COPB1: variants seen among roughly 807,000 people sequenced by gnomAD.
COPB1 encodes coat protein complex I subunit beta 1, also known as coatomer subunit beta.
In COPB1, 21 loss-of-function variants were observed where a neutral mutation model predicts 108.7. The observed-to-expected ratio is 0.19, with a 90% confidence interval of 0.14 to 0.28. COPB1 has a LOEUF of 0.28. Ranked by LOEUF, COPB1 falls within the 10% of genes least tolerant of loss-of-function variation. The probability of loss-of-function intolerance (pLI) is 1.00; values close to 1 mark genes in which losing one functional copy is unlikely to be tolerated. For missense variants in COPB1, 919 were observed against 1,141.3 expected (o/e 0.81, Z 2.81); for synonymous variants, 378 against 386.8 (o/e 0.98, Z 0.27).
At chr11:14,487,300 T>C (rs1049251095) in intron 6 of COPB1, among the ~76,000 whole-genome samples, 3 of 152,202 alleles carry the variant, frequency 2.0e-5, no homozygotes, top group African/African-American at 7.2e-5. Context: ...TACTATAACA[T>C]GGACCCTACT....
intron 19 of COPB1, among the ~76,000 whole-genome samples, chr11:14,460,560 C>T (rs1850123066): frequency 6.6e-6 from 1 of 151,962 alleles, no homozygotes. Flanking sequence ...CTCTGTCACC[C>T]AGGCTAGAGT....
At position 14,469,551 on chromosome 11, in the gene COPB1, C is replaced by T; in HGVS notation, c.1750G>A (p.Glu584Lys). 1 of 1,613,976 alleles carries T rather than the reference C, an allele frequency of 6.2e-7. No homozygotes were observed. Among genetic ancestry groups the T allele is most frequent in the Non-Finnish European group, 8.5e-7 (1 of 1,179,924 alleles). ...ATAGTAGCCATGAGCAACATAGCCT[C>T]AGCAACAAAAGACTAAGAAAGTAAA... ...EKKKQNSFVA[E>K]AMLLMATILH... is the part of the protein sequence containing the mutation. The change falls in exon 15 of 22, where the codon GAG becomes AAG. Residue 584 changes from glutamate to lysine, a missense_variant. Coordinates refer to ENST00000439561, the MANE Select transcript of COPB1 (RefSeq NM_001144061.2).
At chr11:14,463,099 C>T (rs2597202) in intron 18 of COPB1, among the ~76,000 whole-genome samples, 112,009 of 152,090 alleles carry the variant, frequency 0.74, 41,774 homozygotes, top group African/African-American at 0.84. Context: ...TTATTTTATC[C>T]TGTGGAGCTT....
At chr11:14,461,427 C>A (rs1343414391) in intron 18 of COPB1, 96 bp from the exon 19 acceptor site, 2 of 1,259,872 alleles carry the variant, frequency 1.6e-6, no homozygotes, top group Non-Finnish European at 2.2e-6. Context: ...ACACTATTAA[C>A]AATAAGATTG....
intron 14 of COPB1, among the ~76,000 whole-genome samples, chr11:14,470,465 C>G (rs1469265298): frequency 1.3e-5 from 2 of 152,208 alleles, no homozygotes; most frequent in African/African-American, 4.8e-5. Context: ...AGCCTTCATA[C>G]TGAAGTCCGT....
chr11:14,490,310 T>G (rs914282899), intron 5 of COPB1, among the ~76,000 whole-genome samples: 6 of 152,198 alleles, frequency 3.9e-5, no homozygotes, highest in African/African-American at 1.4e-4. Context: ...ATAATTTTAA[T>G]TTTTAAAAAC....
chr11:14,467,774 A>T (rs1193903646), intron 16 of COPB1, among the ~76,000 whole-genome samples: 4 of 152,202 alleles, frequency 2.6e-5, no homozygotes, highest in Non-Finnish European at 5.9e-5. Flanking sequence ...ATACTGAGTG[A>T]AATATGCCAG....
In COPB1 at chr11:14,486,374, G is replaced by A. The variant is rs1850775466; in HGVS notation, c.830C>T (p.Ala277Val). The change falls in exon 7 of 22, where the codon GCA becomes GTA. Residue 277 changes from alanine (A) to valine (V), a missense_variant. Transcript: ENST00000439561. ...AAAAGAAATACACAGTACCTTGATT[G>A]CAGTTGGTGCACTAGAGAGTGTCAC... ...TLVTLSSAPT[A>V]IKAAAQCYID... is the part of the protein sequence containing the mutation. The A allele has an allele frequency of 6.2e-7, 1 of 1,613,938 alleles. No individual in the cohort carries two copies. The highest frequency in any genetic ancestry group is 8.5e-7 in the Non-Finnish European group (1 of 1,180,010).
At chr11:14,476,455 A>G (rs2575837) in intron 12 of COPB1, among the ~76,000 whole-genome samples, 101,366 of 152,106 alleles carry the variant, frequency 0.67, 34,006 homozygotes, top group African/African-American at 0.71. Flanking sequence ...ATTACCTAAT[A>G]TAAGAGCACT....
At chr11:14,461,063 G>A in intron 19 of COPB1, 123 bp downstream of exon 19, 1 of 1,223,618 alleles carries the variant, frequency 8.2e-7, no homozygotes, top group Non-Finnish European at 1.2e-6. Context: ...AACAGATACT[G>A]AAAGACTATT....
At chr11:14,493,606 C>A (rs1430406380) in intron 4 of COPB1, 36 bp downstream of exon 4, 23 of 1,550,848 alleles carry the variant, frequency 1.5e-5, no homozygotes, top group Non-Finnish European at 1.4e-5. Context: ...CTAAACAGTA[C>A]TCACAGAATG....
At chr11:14,464,047 AAAGTCTAACATCCTTAGCATGAC>A (rs958706522) in intron 18 of COPB1, among the ~76,000 whole-genome samples, 1 of 152,224 alleles carries the variant, frequency 6.6e-6, no homozygotes, top group Admixed American at 6.5e-5. Context: ...CTCCACAGAT[AAAGTCTAACATCCTTAGCATGAC>A]AAGTAAAATA....
intron 7 of COPB1, among the ~76,000 whole-genome samples, chr11:14,484,783 A>G (rs1565021113): frequency 6.6e-6 from 1 of 152,208 alleles, no homozygotes; most frequent in Non-Finnish European, 1.5e-5. Flanking sequence ...ATTTTTCTGT[A>G]AGTTTAAAAT....
chr11:14,461,327 A>G lies in COPB1; in HGVS notation c.2415T>C (p.Tyr805=), dbSNP rs1262630362. The change falls in exon 19 of 22, where the codon TAT becomes TAC. Residue 805 remains tyrosine (Y), a synonymous_variant. Transcript: ENST00000439561. ...ENGIIFGNIV[Y]DVSGAASDRN... is the part of the protein sequence containing the mutation. Reference sequence around the variant, plus strand: ...TGTCACTTGCTGCTCCAGAGACATCATAAACTGCAATTACATATACAAAAA... The same window carrying G: ...TGTCACTTGCTGCTCCAGAGACATCGTAAACTGCAATTACATATACAAAAA... The G allele has an allele frequency of 1.2e-6, 2 of 1,612,998 alleles. No individual in the cohort carries two copies. The highest frequency in any genetic ancestry group is 1.7e-6 in the Non-Finnish European group (2 of 1,179,684).
intron 6 of COPB1, among the ~76,000 whole-genome samples, chr11:14,487,550 C>G (rs1164641999): frequency 6.6e-6 from 1 of 152,052 alleles, no homozygotes; most frequent in Non-Finnish European, 1.5e-5. Context: ...TGGCGTGCAC[C>G]TGTAATCCCA....
rs569092017 is a variant in COPB1, at chr11:14,483,853, A to G, written c.838-702T>C. Among the ~76,000 whole-genome samples, 291 of 152,352 alleles carry G rather than the reference A, an allele frequency of 1.9e-3. 8 individuals carry two copies. Among genetic ancestry groups the G allele is most frequent in the African/African-American group, 1.4e-3 (57 of 41,594 alleles). Reference sequence around the variant, plus strand: ...AGAAAATCCACTGATGGATGCTAAAATAAGTAGGTGTGAATTTGAGGAACA... The same window carrying G: ...AGAAAATCCACTGATGGATGCTAAAGTAAGTAGGTGTGAATTTGAGGAACA... On this transcript the variant is annotated intron_variant, in intron 7 of 21. Transcript: ENST00000439561.
intron 6 of COPB1, among the ~76,000 whole-genome samples, chr11:14,487,359 A>G (rs1850796886): frequency 1.3e-5 from 2 of 152,176 alleles, no homozygotes; most frequent in South Asian, 2.1e-4. Flanking sequence ...CCTCAGTGGT[A>G]TCCTAAACTA....
intron 7 of COPB1, among the ~76,000 whole-genome samples, chr11:14,485,361 C>T (rs1463259726): frequency 1.3e-5 from 2 of 152,122 alleles, no homozygotes; most frequent in African/African-American, 4.8e-5. Flanking sequence ...CAGATAGAGT[C>T]TCTCTTTGTT....
intron 11 of COPB1, among the ~76,000 whole-genome samples, chr11:14,477,276 C>T (rs1456761227): frequency 4.0e-5 from 6 of 149,372 alleles, no homozygotes; most frequent in East Asian, 4.0e-4. Context: ...CCCAGCTACC[C>T]GGGAGGCTGA....
Sources: gnomAD v4.1 joint callset for allele counts (sites outside exome capture counted in the v4.1 genomes callset) on GRCh38, gnomAD v4.1.1 for gene constraint, MANE v1.5 for transcripts, NCBI Gene and HGNC (gene_info 2026-07-23, HGNC 2026-07-21) for gene names.